MRPS9: variants seen among roughly 807,000 people sequenced by gnomAD.
The protein encoded by MRPS9 is mitochondrial ribosomal protein S9.
Under a neutral mutation model 59.9 loss-of-function variants are expected in MRPS9, and 45 were observed. That is an observed-to-expected ratio of 0.75 (90% confidence interval 0.59 to 0.96). MRPS9 has a LOEUF of 0.96. MRPS9 is among the 40% of genes least tolerant of loss of function. The pLI is 0.00. For missense variants in MRPS9, 473 were observed against 481.1 expected, an observed-to-expected ratio of 0.98 and a Z score of 0.16; for synonymous variants, 171 against 166.8, an observed-to-expected ratio of 1.03 and a Z score of -0.19.
intron 5 of MRPS9, among the ~76,000 whole-genome samples, chr2:105,086,930 TGGG>T (rs1363913683): frequency 6.6e-6 from 1 of 151,960 alleles, no homozygotes. Flanking sequence ...TTTTTTTTGG[TGGG>T]GGGAGTTCTT....
chr2:105,058,291 C>T (rs967906396), intron 2 of MRPS9, among the ~76,000 whole-genome samples: 2 of 152,114 alleles, frequency 1.3e-5, no homozygotes, highest in Non-Finnish European at 2.9e-5. Flanking sequence ...AATTTATAAG[C>T]GAATCAGTAG....
At chr2:105,069,478 G>A (rs1033760831) in intron 2 of MRPS9, among the ~76,000 whole-genome samples, 10 of 152,174 alleles carry the variant, frequency 6.6e-5, no homozygotes, top group African/African-American at 2.4e-4. Flanking sequence ...CTCTCAAAGT[G>A]CTGGGATGAC....
At chr2:105,077,138 G>A (rs899761843) in intron 4 of MRPS9, among the ~76,000 whole-genome samples, 9 of 151,746 alleles carry the variant, frequency 5.9e-5, no homozygotes, top group Non-Finnish European at 1.0e-4. Context: ...CCAGCTACTC[G>A]GGAGGCTAAG....
At chr2:105,087,477 G>A (rs889021276) in intron 5 of MRPS9, among the ~76,000 whole-genome samples, 3 of 152,100 alleles carry the variant, frequency 2.0e-5, no homozygotes, top group Non-Finnish European at 4.4e-5. Flanking sequence ...CTAGAGTGAT[G>A]GATTTACTTT....
intron 5 of MRPS9, among the ~76,000 whole-genome samples, chr2:105,087,562 C>T (rs536438928): frequency 4.6e-5 from 7 of 152,286 alleles, no homozygotes; most frequent in African/African-American, 1.7e-4. Flanking sequence ...GCTGTTTCTT[C>T]TTTTCTCTCT....
intron 4 of MRPS9, among the ~76,000 whole-genome samples, chr2:105,075,504 G>A (rs573461654): frequency 1.3e-5 from 2 of 152,282 alleles, no homozygotes; most frequent in South Asian, 4.1e-4. Context: ...CTTGAAGGAG[G>A]ATGTAACTAT....
intron 10 of MRPS9, chr2:105,098,676 T>C (rs894102674): frequency 4.6e-5 from 7 of 152,228 alleles, no homozygotes; most frequent in Admixed American, 1.3e-4. Flanking sequence ...GTCCTTTAAG[T>C]ACAAGCAAGT....
chr2:105,057,534 G>A (rs1558753179), intron 2 of MRPS9, among the ~76,000 whole-genome samples: 1 of 152,162 alleles, frequency 6.6e-6, no homozygotes, highest in Non-Finnish European at 1.5e-5. Context: ...GTGTAACAGA[G>A]GCAGCAGAAA....
intron 4 of MRPS9, among the ~76,000 whole-genome samples, chr2:105,078,961 C>A (rs1205845465): frequency 1.3e-5 from 2 of 152,120 alleles, no homozygotes; most frequent in Non-Finnish European, 2.9e-5. Context: ...CTAACTGTTA[C>A]AATGGTTTGT....
intron 4 of MRPS9, 36 bp from the exon 5 acceptor site, chr2:105,079,947 A>T (rs763034886): frequency 6.5e-7 from 1 of 1,529,312 alleles, no homozygotes; most frequent in Non-Finnish European, 9.0e-7. Flanking sequence ...CTCTGTGTAT[A>T]TTTTTATTTG....
intron 9 of MRPS9, 25 bp downstream of exon 9, chr2:105,093,663 GT>G: frequency 7.9e-7 from 1 of 1,264,992 alleles, no homozygotes; most frequent in Non-Finnish European, 1.1e-6. Context: ...CTGATTTTTT[GT>G]TTTTAAAGGA....
chr2:105,071,744 T>G (rs963281570), intron 4 of MRPS9, among the ~76,000 whole-genome samples: 5 of 152,216 alleles, frequency 3.3e-5, no homozygotes, highest in Non-Finnish European at 7.3e-5. Context: ...TTCCAATATG[T>G]CCTTTTGAGG....
Position 105,047,950 on chromosome 2 carries a change from G to A in MRPS9, c.136-1221G>A, listed in dbSNP as rs1489436338. ...TCTAGTTCTAGATCACTGAGGAATC[G>A]CCACACTGACTTCCACAATGGTTGA... On this transcript the variant is annotated intron_variant, in intron 1 of 10. Coordinates refer to ENST00000258455, the MANE Select transcript of MRPS9 (RefSeq NM_182640.3). Among the ~76,000 whole-genome samples the A allele has an allele frequency of 1.1e-4, 17 of 151,840 alleles. 1 individual carries two copies. The highest frequency in any genetic ancestry group is 9.2e-4 in the Admixed American group (14 of 15,226).
At chr2:105,087,556 TTTC>T (rs1455982916) in intron 5 of MRPS9, among the ~76,000 whole-genome samples, 3 of 152,164 alleles carry the variant, frequency 2.0e-5, no homozygotes, top group Non-Finnish European at 4.4e-5. Flanking sequence ...TCTAGTGCTG[TTTC>T]TTCTTTTCTC....
chr2:105,044,395 T>G (rs1679556517), intron 1 of MRPS9, among the ~76,000 whole-genome samples: 4 of 152,240 alleles, frequency 2.6e-5, no homozygotes, highest in Admixed American at 2.6e-4. Flanking sequence ...GTGAATTCAT[T>G]GCTGGAATAA....
In MRPS9 at chr2:105,071,356, G is replaced by C. The variant is rs374087859; in HGVS notation, c.359G>C (p.Arg120Pro). The C allele has an allele frequency of 6.2e-7, 1 of 1,609,818 alleles. No homozygotes were observed. The highest frequency in any genetic ancestry group is 2.2e-5 in the East Asian group (1 of 44,798). ...YLFPSGLFEK[R>P]ARPVMKHPEQ... ...TTCCCAAGTGGTTTGTTTGAGAAAC[G>C]AGCCAGGCCAGTAATGAAGGTAGTT... Residue 120 changes from arginine (R) to proline (P), a missense_variant, in exon 3 of 11, where the codon CGA becomes CCA. Arg to Pro is a moderately radical substitution (Grantham distance 103). Coordinates refer to ENST00000258455, the MANE Select transcript of MRPS9 (RefSeq NM_182640.3).
intron 2 of MRPS9, among the ~76,000 whole-genome samples, chr2:105,054,521 T>G (rs1184910413): frequency 2.0e-5 from 3 of 152,264 alleles, no homozygotes; most frequent in Non-Finnish European, 4.4e-5. Context: ...TGCTAGACTT[T>G]GCTGCAAGTG....
At chr2:105,066,332 AT>A (rs1230952224) in intron 2 of MRPS9, among the ~76,000 whole-genome samples, 2 of 152,152 alleles carry the variant, frequency 1.3e-5, no homozygotes, top group African/African-American at 4.8e-5. Context: ...GCTGAGAAAA[AT>A]TTTTAAAGGC....
chr2:105,084,908 A>G lies in MRPS9; in HGVS notation c.490-4076A>G, dbSNP rs148111537. On this transcript the variant is annotated intron_variant, in intron 5 of 10. Coordinates refer to ENST00000258455, the MANE Select transcript of MRPS9 (RefSeq NM_182640.3). ...AATTAATTTTTTAGAAAAGGATTCA[A>G]CATATTATTGTCTCTATGTTGGCTT... Among the ~76,000 whole-genome samples the G allele has an allele frequency of 4.0e-3, 605 of 152,276 alleles. 5 individuals carry two copies. The highest frequency in any genetic ancestry group is 0.014 in the African/African-American group (574 of 41,548).
Sources: gnomAD v4.1 joint callset for allele counts (sites outside exome capture counted in the v4.1 genomes callset) on GRCh38, gnomAD v4.1.1 for gene constraint, MANE v1.5 for transcripts, NCBI Gene and HGNC (gene_info 2026-07-23, HGNC 2026-07-21) for gene names.